TOM1L2: variants seen among roughly 807,000 people sequenced by gnomAD.
TOM1L2 encodes TOM1-like protein 2.
Under a neutral mutation model 67.9 loss-of-function variants are expected in TOM1L2, and 31 were observed. That is an observed-to-expected ratio of 0.46 (90% CI 0.34 to 0.62). The LOEUF (loss-of-function observed/expected upper bound fraction) is 0.62. TOM1L2 is among the 20% of genes least tolerant of loss of function. The pLI, the probability that TOM1L2 is intolerant of heterozygous loss-of-function variation, is 0.01. For synonymous variants in TOM1L2, 256 were observed against 254.0 expected (o/e 1.01, Z -0.07); for missense variants, 606 against 663.5 (o/e 0.91, Z 0.95).
intron 7 of TOM1L2, among the ~76,000 whole-genome samples, chr17:17,870,934 C>T (rs2037118489): frequency 6.6e-6 from 1 of 152,260 alleles, no homozygotes; most frequent in South Asian, 2.1e-4. Flanking sequence ...ACACAGCACT[C>T]ACACAGGGGC....
intron 1 of TOM1L2, among the ~76,000 whole-genome samples, chr17:17,916,958 C>A (rs2039651727): frequency 6.6e-6 from 1 of 152,090 alleles, no homozygotes. Flanking sequence ...GAGATTGAGA[C>A]CATCCTGGCC....
Position 17,851,960 on chromosome 17 carries a change from A to AT in TOM1L2, c.1279-1009dup, listed in dbSNP as rs1194403932. Among the ~76,000 whole-genome samples, 6 of 152,296 alleles carry AT rather than the reference A, an allele frequency of 3.9e-5. No homozygotes were observed. The East Asian group carries it at 1.2e-3, about 29-fold the overall frequency. ...TTAAGTTGCCATCAAATATGACATG[A>AT]TAAGAAGCTCCCTAGAAGCCATGTT... On this transcript the variant is annotated intron_variant, in intron 12 of 14. Transcript: ENST00000379504.
intron 1 of TOM1L2, among the ~76,000 whole-genome samples, chr17:17,946,025 C>T (rs544752221): frequency 2.6e-5 from 4 of 152,010 alleles, no homozygotes; most frequent in East Asian, 1.9e-4. Flanking sequence ...TGCACCATCA[C>T]GCCTGCCTGG....
chr17:17,938,333 G>A (rs535588374), intron 1 of TOM1L2, among the ~76,000 whole-genome samples: 116 of 152,184 alleles, frequency 7.6e-4, no homozygotes, highest in Non-Finnish European at 1.4e-3. Flanking sequence ...CTAAGACCTT[G>A]CCCTCAGCAA....
intron 1 of TOM1L2, among the ~76,000 whole-genome samples, chr17:17,965,233 T>C (rs1233776769): frequency 6.6e-6 from 1 of 152,216 alleles, no homozygotes; most frequent in Non-Finnish European, 1.5e-5. Flanking sequence ...AAGTCTTTCA[T>C]GCCTCCCCAG....
chr17:17,867,031 G>C (rs2036887035), intron 8 of TOM1L2, 107 bp from the exon 9 acceptor site: 6 of 1,046,430 alleles, frequency 5.7e-6, no homozygotes, highest in African/African-American at 1.6e-5. Flanking sequence ...AGACCAGCCA[G>C]TCCCACCTGG....
intron 1 of TOM1L2, among the ~76,000 whole-genome samples, chr17:17,935,664 A>G (rs895710714): frequency 1.3e-5 from 2 of 152,138 alleles, no homozygotes; most frequent in Admixed American, 6.5e-5. Context: ...ATGGGATCCA[A>G]TGCAAAGCTG....
intron 1 of TOM1L2, among the ~76,000 whole-genome samples, chr17:17,958,838 A>G (rs2041574290): frequency 6.6e-6 from 1 of 152,184 alleles, no homozygotes; most frequent in Admixed American, 6.5e-5. Context: ...TTTTAGCCGT[A>G]CCCTCATCCC....
At chr17:17,949,917 C>G (rs955733450) in intron 1 of TOM1L2, among the ~76,000 whole-genome samples, 1 of 152,128 alleles carries the variant, frequency 6.6e-6, no homozygotes, top group Non-Finnish European at 1.5e-5. Flanking sequence ...GTCACCCAGG[C>G]TAGAGTGCAG....
chr17:17,892,934 G>A (rs2038367565), intron 4 of TOM1L2, among the ~76,000 whole-genome samples: 1 of 152,172 alleles, frequency 6.6e-6, no homozygotes, highest in Non-Finnish European at 1.5e-5. Context: ...GGTGGAAGTG[G>A]AGCCTCCAGC....
intron 1 of TOM1L2, among the ~76,000 whole-genome samples, chr17:17,963,004 GT>G (rs958775018): frequency 9.4e-5 from 14 of 149,196 alleles, no homozygotes; most frequent in African/African-American, 1.2e-4. Flanking sequence ...ATTTTATCAG[GT>G]TTTTTTTTTA....
intron 6 of TOM1L2, among the ~76,000 whole-genome samples, chr17:17,881,781 G>A (rs1164862009): frequency 3.3e-5 from 5 of 152,154 alleles, no homozygotes; most frequent in Non-Finnish European, 5.9e-5. Flanking sequence ...TGCTCTCACC[G>A]TACTCCCTGC....
At position 17,844,484 on chromosome 17, in the gene TOM1L2, G is replaced by A. The variant is rs1568016150; in HGVS notation, c.*3151C>T. ...CCAAGGCACCATCACTCACATGGAG[G>A]CGCTAATAGAAAGACAGGAGGACAG... On this transcript the variant is annotated 3_prime_UTR_variant, in exon 15 of 15. Coordinates refer to ENST00000379504, the MANE Select transcript of TOM1L2 (RefSeq NM_001082968.2). The A allele has an allele frequency of 6.6e-6, 1 of 152,354 alleles. No individual in the cohort carries two copies. Among genetic ancestry groups the A allele is most frequent in the Non-Finnish European group, 1.5e-5 (1 of 68,120 alleles). 9.4% of individuals were successfully genotyped at this position (152,354 alleles called of 1,614,324 possible).
intron 7 of TOM1L2, among the ~76,000 whole-genome samples, chr17:17,872,844 C>T (rs1204494217): frequency 6.6e-6 from 1 of 152,222 alleles, no homozygotes; most frequent in Non-Finnish European, 1.5e-5. Context: ...CAAGCCCTGG[C>T]TGTCCTTGGC....
At chr17:17,945,763 A>G (rs1281481823) in intron 1 of TOM1L2, among the ~76,000 whole-genome samples, 3 of 152,048 alleles carry the variant, frequency 2.0e-5, no homozygotes, top group Non-Finnish European at 4.4e-5. Flanking sequence ...TTTCCATTTA[A>G]AAAAAGAGAA....
intron 1 of TOM1L2, among the ~76,000 whole-genome samples, chr17:17,917,329 ATCTC>A (rs1324650340): frequency 6.6e-6 from 1 of 151,764 alleles, no homozygotes; most frequent in Non-Finnish European, 1.5e-5. Context: ...GCAAGACCCC[ATCTC>A]AAAAAAATAA....
chr17:17,892,966 T>C (rs1598280842), intron 4 of TOM1L2, among the ~76,000 whole-genome samples: 1 of 152,146 alleles, frequency 6.6e-6, no homozygotes, highest in Non-Finnish European at 1.5e-5. Flanking sequence ...CTTCAGACAA[T>C]GCAACCTCAA....
chr17:17,848,919 C>T (rs1204562410), intron 13 of TOM1L2, 60 bp from the exon 14 acceptor site: 4 of 1,594,690 alleles, frequency 2.5e-6, no homozygotes, highest in Non-Finnish European at 3.4e-6. Flanking sequence ...CCCGCCCAGC[C>T]ACCTCTGTCT....
intron 7 of TOM1L2, among the ~76,000 whole-genome samples, chr17:17,873,394 G>A (rs2037253314): frequency 6.6e-6 from 1 of 151,618 alleles, no homozygotes. Flanking sequence ...GACTCCCAAA[G>A]CATTCAACAC....
Sources: allele counts gnomAD v4.1 joint callset (sites outside exome capture counted in the v4.1 genomes callset), GRCh38; gene constraint gnomAD v4.1.1; transcripts MANE v1.5; gene names NCBI Gene and HGNC (gene_info 2026-07-23, HGNC 2026-07-21).